SHISA7: variants seen among roughly 807,000 people sequenced by gnomAD.
The protein encoded by SHISA7 is shisa family member 7.
In SHISA7, 6 loss-of-function variants were observed where a neutral mutation model predicts 23.9. The observed-to-expected ratio is 0.25, with a 90% CI of 0.14 to 0.50. The LOEUF is 0.50. Ranked by LOEUF, SHISA7 falls within the 20% of genes least tolerant of loss-of-function variation. SHISA7 has a pLI of 0.98. For synonymous variants in SHISA7, 386 were observed against 398.3 expected (o/e 0.97, Z 0.37); for missense variants, 671 against 801.1 (o/e 0.84, Z 1.96).
At chr19:55,435,909 C>A (rs531596833) in intron 3 of SHISA7, among the ~76,000 whole-genome samples, 1 of 151,816 alleles carries the variant, frequency 6.6e-6, no homozygotes, top group Non-Finnish European at 1.5e-5. Flanking sequence ...TGCAAATGTC[C>A]GTAATAAAAA....
At chr19:55,438,620 A>G (rs1434441228) in intron 2 of SHISA7, 32 of 1,304,154 alleles carry the variant, frequency 2.5e-5, no homozygotes, top group Non-Finnish European at 3.1e-5. Flanking sequence ...GCTGTGGTGC[A>G]GATTATCTGG....
intron 1 of SHISA7, among the ~76,000 whole-genome samples, chr19:55,441,257 G>GC (rs1224965970): frequency 6.6e-6 from 1 of 152,086 alleles, no homozygotes; most frequent in Non-Finnish European, 1.5e-5. Context: ...CTGGATCATT[G>GC]CAACAGCCCC....
At position 55,430,759 on chromosome 19, in the gene SHISA7, G is replaced by T. The variant is rs371754958; in HGVS notation, c.*2397C>A. 9 of 146,398 alleles carry T rather than the reference G, an allele frequency of 6.1e-5. No individual in the cohort carries two copies. The highest frequency in any genetic ancestry group is 4.1e-4 in the East Asian group (2 of 4,884). 9.1% of individuals were successfully genotyped at this position (146,398 alleles called of 1,614,324 possible). On this transcript the variant is annotated 3_prime_UTR_variant, in exon 4 of 4. Transcript: ENST00000376325. ...ATGGATCACGGATGATGACACCAGG[G>T]TTATGGCGGATCCTAGTGGATGGTG...
At chr19:55,434,816 T>G in intron 3 of SHISA7, among the ~76,000 whole-genome samples, 3 of 68,800 alleles carry the variant, frequency 4.4e-5, no homozygotes, top group African/African-American at 6.2e-5. Context: ...GTGTGCATGG[T>G]GTGTATGTGT....
At position 55,442,832 on chromosome 19, in the gene SHISA7, G is replaced by A; in HGVS notation, c.32C>T (p.Ala11Val). The change falls in exon 1 of 4, where the codon GCC becomes GTC. Residue 11 changes from alanine to valine, a missense_variant. By Grantham distance (64) the Ala-to-Val change is moderately conservative. Around this residue, in one of 5 missense-constraint regions of SHISA7, gnomAD observed 96 missense variants for 113.1 expected, o/e 0.85. Transcript: ENST00000376325. ...CGCCCTGGCCTGGCCGGCGCTAGAG[G>A]CCAGGAGTACGAGGAGCAGGAGGGC... MPALLLLVLLASSAGQARARP... is the reference protein window; with the variant it reads MPALLLLVLLVSSAGQARARP... 3.6e-6 allele frequency: 5 copies of A among 1,394,548 alleles called. No homozygotes were observed. Among genetic ancestry groups the A allele is most frequent in the Non-Finnish European group, 4.6e-6 (5 of 1,076,080 alleles). 86.4% of individuals were successfully genotyped at this position (1,394,548 alleles called of 1,614,324 possible).
Position 55,440,590 on chromosome 19 carries a change from C to T in SHISA7, c.826+21G>A, listed in dbSNP as rs201210457. 2,804 of 1,249,540 alleles carry T rather than the reference C, an allele frequency of 2.2e-3. 3 individuals carry two copies. Among genetic ancestry groups the T allele is most frequent in the Non-Finnish European group, 2.7e-3 (2,630 of 988,126 alleles). 77.4% of individuals were successfully genotyped at this position (1,249,540 alleles called of 1,614,324 possible). On this transcript the variant is annotated intron_variant, in intron 2 of 3. Coordinates refer to ENST00000376325, the MANE Select transcript of SHISA7 (RefSeq NM_001145176.2). ...GCGTGGCCAGAGACGGAGGCTGCGCCGGATCCCACGTTCCACTCACCGAGG... is the reference window on the plus strand; with the variant it reads ...GCGTGGCCAGAGACGGAGGCTGCGCTGGATCCCACGTTCCACTCACCGAGG...
In SHISA7 at chr19:55,433,634, G is replaced by C. The variant is rs1211015003; in HGVS notation, c.1139C>G (p.Pro380Arg). The C allele has an allele frequency of 1.1e-5, 17 of 1,490,448 alleles. No homozygotes were observed. In the Admixed American group the frequency reaches 3.6e-4, roughly 32 times the overall value. 92.3% of individuals were successfully genotyped at this position (1,490,448 alleles called of 1,614,324 possible). A position where few individuals can be genotyped will look rare whatever the true frequency, so the allele number is the denominator to read the frequency against. ...GTGCTCCTGGGACATGACCCGCCGG[G>C]GGTTGGGCGCGGGCGCCAGGCCCAG... ...EELGLAPAPN[P>R]RRVMSQEHLL... The change falls in exon 4 of 4, where the codon CCC (proline) becomes CGC (arginine). Residue 380 changes from proline (P) to arginine (R), a missense_variant. Pro to Arg is a moderately radical substitution (Grantham distance 103, BLOSUM62 -2). This residue lies in a region of SHISA7 where 457 missense variants were observed against 488.3 expected (regional missense o/e 0.94). Transcript: ENST00000376325. The surrounding 1 kb of genome is among the most constrained non-coding windows in gnomAD (Gnocchi z 8.4).
Position 55,442,198 on chromosome 19 carries a change from C to G in SHISA7, c.666G>C (p.Val222=), listed in dbSNP as rs915951551. The G allele has an allele frequency of 1.0e-5, 16 of 1,533,386 alleles. No individual in the cohort carries two copies. The highest frequency in any genetic ancestry group is 1.4e-5 in the Non-Finnish European group (16 of 1,145,432). The allele number at this position is 1,533,386 out of a possible 1,614,324, so 95.0% of individuals were successfully genotyped here. A position where few individuals can be genotyped will look rare whatever the true frequency, so the allele number is the denominator to read the frequency against. ...RAPRAHRDIN[V]PRALVDILRH... ...CCGCCCGAGAGCACACGCACCTGGG[C>G]ACGTTGATATCCCGGTGCGCCCGGG... The change falls in exon 1 of 4, where the codon GTG becomes GTC. Residue 222 remains valine (V), a synonymous_variant. Transcript: ENST00000376325.
At chr19:55,434,840 T>TGTGTGTGTGCATATGTG (rs1985368328) in intron 3 of SHISA7, among the ~76,000 whole-genome samples, 4 of 51,920 alleles carry the variant, frequency 7.7e-5, no homozygotes, top group African/African-American at 3.1e-4. Flanking sequence ...TGGTGTGTGG[T>TGTGTGTGTGCATATGTG]GTGTGTGTGC....
At chr19:55,434,751 G>GTGTGGTGTATA (rs1985352266) in intron 3 of SHISA7, among the ~76,000 whole-genome samples, 1 of 121,686 alleles carries the variant, frequency 8.2e-6, no homozygotes, top group African/African-American at 3.2e-5. Flanking sequence ...TATGTGGTGT[G>GTGTGGTGTATA]TGTGGTGTGT....
rs1356392433 is a variant in SHISA7, at chr19:55,430,555, G to T, written c.*2601C>A. 2.0e-5 allele frequency: 3 copies of T among 151,494 alleles called. No homozygotes were observed. Among genetic ancestry groups the T allele is most frequent in the Non-Finnish European group, 4.4e-5 (3 of 67,890 alleles). The allele number at this position is 151,494 out of a possible 1,614,324, so 9.4% of individuals were successfully genotyped here. On this transcript the variant is annotated 3_prime_UTR_variant, in exon 4 of 4. Coordinates refer to ENST00000376325, the MANE Select transcript of SHISA7 (RefSeq NM_001145176.2). ...GATCCTGGGAGATGATAACACCAGG[G>T]TCATGGTGGATCCTAATAGATGGTG...
At chr19:55,434,233 T>C (rs1408570739) in intron 3 of SHISA7, among the ~76,000 whole-genome samples, 1 of 152,080 alleles carries the variant, frequency 6.6e-6, no homozygotes, top group Non-Finnish European at 1.5e-5. Context: ...CAGGGGTAAG[T>C]GTTGGTTCAT....
intron 2 of SHISA7, among the ~76,000 whole-genome samples, chr19:55,439,542 C>T (rs1985546097): frequency 2.0e-5 from 3 of 152,206 alleles, no homozygotes; most frequent in Admixed American, 2.0e-4. Flanking sequence ...CGGAGTTCCT[C>T]AGCCCAGCCT....
At chr19:55,437,878 C>A (rs1599873682) in intron 2 of SHISA7, 124 bp from the exon 3 acceptor site, 1 of 1,236,238 alleles carries the variant, frequency 8.1e-7, no homozygotes, top group East Asian at 2.7e-5. Context: ...TCCTTCAGAC[C>A]CAGGAGTGCA....
chr19:55,438,376 A>G (rs1985518127), intron 2 of SHISA7, among the ~76,000 whole-genome samples: 1 of 152,152 alleles, frequency 6.6e-6, no homozygotes, highest in Non-Finnish European at 1.5e-5. Context: ...AGAGATGACC[A>G]CTTTTGGCAT....
Position 55,442,899 on chromosome 19 carries a change from G to A in SHISA7, c.-36C>T. On this transcript the variant is annotated 5_prime_UTR_variant, in exon 1 of 4. Coordinates refer to ENST00000376325, the MANE Select transcript of SHISA7 (RefSeq NM_001145176.2). ...GGGGGTCGCACTGGGCCGCCAGGCT[G>A]CGGGGAGAACGAGAGCAGAGGTTGG... is the stretch of plus-strand genomic sequence containing the variant. 7.8e-7 allele frequency: 1 copy of A among 1,283,760 alleles called. No individual in the cohort carries two copies. The highest frequency in any genetic ancestry group is 9.8e-7 in the Non-Finnish European group (1 of 1,015,828). The allele number at this position is 1,283,760 out of a possible 1,614,324, so 79.5% of individuals were successfully genotyped here. A position where few individuals can be genotyped will look rare whatever the true frequency, so the allele number is the denominator to read the frequency against.
intron 3 of SHISA7, among the ~76,000 whole-genome samples, chr19:55,434,458 TTG>T (rs768157825): frequency 0.017 from 1,669 of 99,332 alleles, 28 homozygotes; most frequent in African/African-American, 0.047. Context: ...GGGTGTGTGG[TTG>T]TGTGGTGTGT....
chr19:55,439,055 C>G (rs1985534644), intron 2 of SHISA7, among the ~76,000 whole-genome samples: 1 of 152,182 alleles, frequency 6.6e-6, no homozygotes. Context: ...ATCAGCCTCA[C>G]CGAGGTAACT....
chr19:55,438,419 G>A (rs1985519060), intron 2 of SHISA7: 2 of 685,858 alleles, frequency 2.9e-6, no homozygotes, highest in Admixed American at 2.7e-5. Flanking sequence ...TTGGTGACCT[G>A]GCCAGACCAT....
Sources: allele counts gnomAD v4.1 joint callset (sites outside exome capture counted in the v4.1 genomes callset), GRCh38; gene constraint gnomAD v4.1.1; regional missense constraint gnomAD v4.1.1; non-coding constraint Gnocchi (gnomAD v3.1); transcripts MANE v1.5; gene names NCBI Gene and HGNC (gene_info 2026-07-23, HGNC 2026-07-21).